Variants in VRK1 observed in about 807,000 individuals in gnomAD.
The protein encoded by VRK1 is serine/threonine-protein kinase VRK1.
In VRK1, 33 loss-of-function variants were observed where a neutral mutation model predicts 57.1. The observed-to-expected ratio is 0.58, with a 90% CI of 0.44 to 0.77. The LOEUF is 0.77. VRK1 is among the 30% of genes least tolerant of loss of function. The pLI is 0.00. For missense variants in VRK1, 413 were observed against 477.3 expected, an observed-to-expected ratio of 0.87 and a Z score of 1.25; for synonymous variants, 137 against 147.8, an observed-to-expected ratio of 0.93 and a Z score of 0.53.
Position 96,876,120 on chromosome 14 carries a change from CGTA to C in VRK1, c.1159+1_1159+3del. The C allele has an allele frequency of 6.2e-7, 1 of 1,613,258 alleles. No homozygotes were observed. Among genetic ancestry groups the C allele is most frequent in the Non-Finnish European group, 8.5e-7 (1 of 1,179,422 alleles). On this transcript the variant is annotated splice_donor_variant and splice_donor_region_variant and intron_variant, in intron 12 of 12. Transcript: ENST00000216639. LOFTEE classifies it high-confidence loss of function. ...ACAGACAGAGGAGGCCATACAGACC[CGTA>C]AGTTGAACAGTTTTGCCTAGCTGCT...
At chr14:96,833,721 G>T in intron 2 of VRK1, 90 bp downstream of exon 2, 1 of 1,577,698 alleles carries the variant, frequency 6.3e-7, no homozygotes, top group Admixed American at 1.7e-5. Context: ...GTTATGGGAT[G>T]TTCCTAATAA....
chr14:96,880,014 G>T (rs1396177541), intron 12 of VRK1, among the ~76,000 whole-genome samples: 2 of 151,914 alleles, frequency 1.3e-5, no homozygotes, highest in African/African-American at 4.8e-5. Context: ...AGATGGCCGT[G>T]TTACAGAAAT....
intron 1 of VRK1, among the ~76,000 whole-genome samples, chr14:96,806,729 C>T (rs1464056698): frequency 6.6e-6 from 1 of 152,144 alleles, no homozygotes; most frequent in African/African-American, 2.4e-5. Flanking sequence ...TCATCATTTT[C>T]ACTTTGATAT....
chr14:96,836,630 C>G (rs1319971614), intron 2 of VRK1, among the ~76,000 whole-genome samples: 1 of 146,116 alleles, frequency 6.8e-6, no homozygotes, highest in African/African-American at 2.5e-5. Context: ...TCAAGTGATT[C>G]TCCCACCTCA....
intron 9 of VRK1, 70 bp downstream of exon 9, chr14:96,856,320 A>G: frequency 1.3e-6 from 2 of 1,558,300 alleles, no homozygotes; most frequent in South Asian, 1.1e-5. Flanking sequence ...CAATTTCTTG[A>G]TAGGAACTAT....
intron 5 of VRK1, among the ~76,000 whole-genome samples, chr14:96,850,175 A>C: frequency 6.6e-6 from 1 of 152,214 alleles, no homozygotes; most frequent in African/African-American, 2.4e-5. Context: ...GAAGCTCTTA[A>C]AAAGAATCAT....
intron 1 of VRK1, among the ~76,000 whole-genome samples, chr14:96,810,664 G>C (rs1233569912): frequency 6.6e-6 from 1 of 152,088 alleles, no homozygotes; most frequent in Non-Finnish European, 1.5e-5. Flanking sequence ...AATCCGTCTT[G>C]ACTCAGCTTC....
At chr14:96,865,774 G>T (rs528909492) in intron 11 of VRK1, among the ~76,000 whole-genome samples, 89 of 139,186 alleles carry the variant, frequency 6.4e-4, no homozygotes, top group Non-Finnish European at 9.8e-4. Flanking sequence ...TTTTTTTTTT[G>T]GATTATCTGT....
At chr14:96,846,328 T>G (rs1260802492) in intron 4 of VRK1, among the ~76,000 whole-genome samples, 164 bp downstream of exon 4, 1 of 152,208 alleles carries the variant, frequency 6.6e-6, no homozygotes. Context: ...GGTCTTTTAA[T>G]GGGTTTGTTG....
At chr14:96,839,168 T>C (rs1887352508) in intron 3 of VRK1, among the ~76,000 whole-genome samples, 1 of 151,966 alleles carries the variant, frequency 6.6e-6, no homozygotes, top group Admixed American at 6.6e-5. Context: ...ATATATTGTT[T>C]TGTAACTTCT....
At position 96,856,661 on chromosome 14, in the gene VRK1, G is replaced by T. The variant is rs1888168089; in HGVS notation, c.889+75G>T. The T allele has an allele frequency of 3.1e-6, 4 of 1,290,424 alleles. No homozygotes were observed. In the Admixed American group the frequency reaches 7.1e-5, roughly 23 times the overall value. The allele number at this position is 1,290,424 out of a possible 1,614,324, so 79.9% of individuals were successfully genotyped here. On this transcript the variant is annotated intron_variant, in intron 10 of 12. Transcript: ENST00000216639. ...AAAAAGGCATGATATCCATGGAATAGCCCTTAATGTAAGATGTTAGGTGGT... is the reference window on the plus strand; with the variant it reads ...AAAAAGGCATGATATCCATGGAATATCCCTTAATGTAAGATGTTAGGTGGT...
intron 1 of VRK1, among the ~76,000 whole-genome samples, chr14:96,811,890 C>G (rs1461691370): frequency 3.3e-5 from 5 of 151,996 alleles, no homozygotes; most frequent in African/African-American, 4.8e-5. Flanking sequence ...TAACCATCAC[C>G]ATAATCTAAT....
chr14:96,825,806 T>C (rs1190767135), intron 1 of VRK1, among the ~76,000 whole-genome samples: 1 of 152,208 alleles, frequency 6.6e-6, no homozygotes, highest in African/African-American at 2.4e-5. Context: ...CTCTATACAG[T>C]GTAAAACATA....
chr14:96,832,538 C>T (rs970992035), intron 1 of VRK1, among the ~76,000 whole-genome samples: 2 of 152,056 alleles, frequency 1.3e-5, no homozygotes, highest in Non-Finnish European at 2.9e-5. Context: ...ACTTGAAGCC[C>T]AGTGTGAAGT....
intron 5 of VRK1, among the ~76,000 whole-genome samples, chr14:96,849,302 A>G (rs1887851437): frequency 6.6e-6 from 1 of 152,210 alleles, no homozygotes; most frequent in Admixed American, 6.5e-5. Flanking sequence ...GCTCCAGTAT[A>G]CAATAGTTAT....
intron 1 of VRK1, among the ~76,000 whole-genome samples, chr14:96,822,417 ACT>A (rs1190199045): frequency 6.6e-6 from 1 of 152,100 alleles, no homozygotes; most frequent in Non-Finnish European, 1.5e-5. Flanking sequence ...CAGACCATTC[ACT>A]CTAATAGCAC....
rs1595651792 is a variant in VRK1, at chr14:96,822,489, T to C, written c.-5-10978T>C. On this transcript the variant is annotated intron_variant, in intron 1 of 12. Coordinates refer to ENST00000216639, the MANE Select transcript of VRK1 (RefSeq NM_003384.3). ...TAGGGTCTAGTCCTATTCTCTACTTTTTAGGCACAGAATTTGATTCATTGC... is the reference window on the plus strand; with the variant it reads ...TAGGGTCTAGTCCTATTCTCTACTTCTTAGGCACAGAATTTGATTCATTGC... Among the ~76,000 whole-genome samples the C allele has an allele frequency of 2.0e-5, 3 of 152,330 alleles. No homozygotes were observed. In the East Asian group the frequency reaches 5.8e-4, roughly 29 times the overall value.
chr14:96,822,500 A>T (rs1886641500), intron 1 of VRK1, among the ~76,000 whole-genome samples: 1 of 152,186 alleles, frequency 6.6e-6, no homozygotes, highest in Non-Finnish European at 1.5e-5. Flanking sequence ...TTAGGCACAG[A>T]ATTTGATTCA....
intron 1 of VRK1, among the ~76,000 whole-genome samples, chr14:96,797,742 G>T (rs1885493376): frequency 6.6e-6 from 1 of 152,208 alleles, no homozygotes; most frequent in South Asian, 2.1e-4. Flanking sequence ...GGACGCGCGT[G>T]GTGTCGCGGC....
Sources: allele counts gnomAD v4.1 joint callset (sites outside exome capture counted in the v4.1 genomes callset), GRCh38; gene constraint gnomAD v4.1.1; transcripts MANE v1.5; gene names NCBI Gene and HGNC (gene_info 2026-07-23, HGNC 2026-07-21).